The following AUTS2 variants were observed in gnomAD, a reference collection of about 807,000 sequenced individuals.
AUTS2 encodes activator of transcription and developmental regulator AUTS2, also known as autism susceptibility gene 2 protein.
Under a neutral mutation model 112.4 loss-of-function variants are expected in AUTS2, and 17 were observed. The ratio of observed to expected loss-of-function variants is 0.15; its 90% CI spans 0.10 to 0.23. AUTS2 has a LOEUF of 0.23. Ranked by LOEUF, AUTS2 falls within the 10% of genes least tolerant of loss-of-function variation. The pLI is 1.00. For synonymous variants in AUTS2, 751 were observed against 702.7 expected (o/e 1.07, Z -1.09); for missense variants, 1,510 against 1,701.6 (o/e 0.89, Z 1.98).
intron 6 of AUTS2, among the ~76,000 whole-genome samples, chr7:70,715,924 T>A (rs1295803079): frequency 2.0e-5 from 3 of 152,240 alleles, no homozygotes; most frequent in African/African-American, 7.2e-5. Context: ...ACAGGGTGCT[T>A]TGAATTAAAA....
chr7:70,778,145 T>A (rs774325557), intron 14 of AUTS2, among the ~76,000 whole-genome samples: 5 of 152,274 alleles, frequency 3.3e-5, no homozygotes, highest in South Asian at 4.1e-4. Context: ...TATGACTCAG[T>A]AGGGGAGAGA....
chr7:70,377,725 A>G (rs1220358354), intron 4 of AUTS2, among the ~76,000 whole-genome samples: 1 of 151,260 alleles, frequency 6.6e-6, no homozygotes, highest in Non-Finnish European at 1.5e-5. Flanking sequence ...GTAGAAACAA[A>G]TAGTATTTAT....
chr7:70,265,619 G>A (rs1316965667), intron 4 of AUTS2, among the ~76,000 whole-genome samples: 1 of 152,122 alleles, frequency 6.6e-6, no homozygotes, highest in Non-Finnish European at 1.5e-5. Context: ...GACTGTTGAG[G>A]AGAATGTATA....
chr7:69,756,968 C>T (rs1393923874), intron 1 of AUTS2, among the ~76,000 whole-genome samples: 1 of 152,154 alleles, frequency 6.6e-6, no homozygotes, highest in East Asian at 1.9e-4. Flanking sequence ...ACACCAAAAT[C>T]CTAGGAAATA....
At chr7:70,644,803 G>A (rs62456779) in intron 5 of AUTS2, among the ~76,000 whole-genome samples, 2,830 of 152,172 alleles carry the variant, frequency 0.019, 48 homozygotes, top group East Asian at 0.069. Context: ...AACCCTTGTG[G>A]CATCTCACCC....
At chr7:69,833,029 A>G (rs78831326) in intron 1 of AUTS2, among the ~76,000 whole-genome samples, 3,207 of 152,286 alleles carry the variant, frequency 0.021, 112 homozygotes, top group African/African-American at 0.07. Context: ...CTTTATTAAA[A>G]GACGAGTAAT....
At chr7:70,118,091 C>T in intron 2 of AUTS2, 41 bp from the exon 3 acceptor site, 1 of 1,565,104 alleles carries the variant, frequency 6.4e-7, no homozygotes, top group Non-Finnish European at 8.6e-7. Flanking sequence ...AAGAAGCAGA[C>T]CACTAACTTT....
intron 4 of AUTS2, among the ~76,000 whole-genome samples, chr7:70,322,390 T>C (rs1790295348): frequency 6.6e-6 from 1 of 152,114 alleles, no homozygotes; most frequent in Admixed American, 6.6e-5. Flanking sequence ...TATGCTATGG[T>C]TTAAAATCTT....
chr7:70,784,599 G>A, intron 15 of AUTS2: 1 of 231,540 alleles, frequency 4.3e-6, no homozygotes, highest in Non-Finnish European at 8.3e-6. Flanking sequence ...TGGTTATAAA[G>A]CCTCCCCTCC....
At chr7:69,995,054 T>C (rs1226797930) in intron 2 of AUTS2, among the ~76,000 whole-genome samples, 1 of 152,148 alleles carries the variant, frequency 6.6e-6, no homozygotes, top group Non-Finnish European at 1.5e-5. Flanking sequence ...CCTCTGTTAC[T>C]GGAATTTTAA....
intron 5 of AUTS2, among the ~76,000 whole-genome samples, chr7:70,615,565 CTTG>C (rs57037063): frequency 0.17 from 25,150 of 148,428 alleles, 2,167 homozygotes; most frequent in African/African-American, 0.18. Flanking sequence ...AGATTTATGG[CTTG>C]TTGTTGTTGT....
intron 4 of AUTS2, among the ~76,000 whole-genome samples, chr7:70,351,060 T>C (rs1246681238): frequency 6.6e-6 from 1 of 151,556 alleles, no homozygotes; most frequent in African/African-American, 2.4e-5. Flanking sequence ...TTCTTTTTTT[T>C]TTTTTTTTTA....
intron 5 of AUTS2, among the ~76,000 whole-genome samples, chr7:70,667,198 C>A (rs1399902269): frequency 2.6e-5 from 4 of 152,168 alleles, no homozygotes; most frequent in Non-Finnish European, 5.9e-5. Flanking sequence ...ACATTAACTG[C>A]ACCAGGGCTT....
intron 2 of AUTS2, among the ~76,000 whole-genome samples, chr7:69,900,018 C>G (rs1298661823): frequency 6.6e-6 from 1 of 152,146 alleles, no homozygotes; most frequent in Non-Finnish European, 1.5e-5. Context: ...TAGTTGTTCT[C>G]CATAGGCTAT....
chr7:70,786,110 C>A, intron 17 of AUTS2, 72 bp downstream of exon 17: 2 of 1,342,542 alleles, frequency 1.5e-6, no homozygotes, highest in Non-Finnish European at 1.1e-6. Context: ...GGCTCAAGAC[C>A]TTTCTAGAGA....
intron 2 of AUTS2, among the ~76,000 whole-genome samples, chr7:69,980,744 T>G (rs1798262042): frequency 6.6e-6 from 1 of 152,166 alleles, no homozygotes; most frequent in Admixed American, 6.5e-5. Flanking sequence ...AAAAAATTGA[T>G]GTCCAAGTAT....
intron 5 of AUTS2, among the ~76,000 whole-genome samples, chr7:70,532,251 A>C (rs1176714995): frequency 6.6e-6 from 1 of 152,204 alleles, no homozygotes; most frequent in Non-Finnish European, 1.5e-5. Flanking sequence ...GCCCAGAGTT[A>C]ACGTGGGAAG....
At chr7:70,003,463 AAT>A (rs1180228727) in intron 2 of AUTS2, among the ~76,000 whole-genome samples, 5 of 124,120 alleles carry the variant, frequency 4.0e-5, no homozygotes, top group East Asian at 2.3e-4. Flanking sequence ...AATATATATG[AAT>A]ATGTTATATA....
chr7:70,459,350 A>G (rs1256926257), intron 5 of AUTS2, among the ~76,000 whole-genome samples: 1 of 152,158 alleles, frequency 6.6e-6, no homozygotes, highest in East Asian at 1.9e-4. Context: ...CCCAGGAGAA[A>G]TGGAAGGTGT....
Sources: allele counts gnomAD v4.1 joint callset (sites outside exome capture counted in the v4.1 genomes callset), GRCh38; gene constraint gnomAD v4.1.1; transcripts MANE v1.5; gene names NCBI Gene and HGNC (gene_info 2026-07-23, HGNC 2026-07-21).